The following C10orf143 variants were observed in gnomAD, a reference collection of about 807,000 sequenced individuals.
C10orf143 encodes chromosome 10 open reading frame 143.
intron 3 of C10orf143, among the ~76,000 whole-genome samples, chr10:130,075,644 T>A (rs1023504356): frequency 6.6e-6 from 1 of 152,212 alleles, no homozygotes; most frequent in African/African-American, 2.4e-5. Flanking sequence ...AAATCTCATC[T>A]GGAATTATAC....
intron 3 of C10orf143, among the ~76,000 whole-genome samples, chr10:130,053,874 G>A (rs1437887425): frequency 1.3e-5 from 2 of 152,192 alleles, no homozygotes; most frequent in Admixed American, 6.5e-5. Context: ...GTGGGGGAAG[G>A]CCCCTTAGGG....
chr10:130,039,519 G>A (rs1215246297), intron 3 of C10orf143, among the ~76,000 whole-genome samples: 3 of 152,156 alleles, frequency 2.0e-5, no homozygotes, highest in African/African-American at 7.2e-5. Flanking sequence ...TCGATGAGGT[G>A]GATGCTGCCT....
chr10:130,093,468 T>C (rs1211763921), intron 1 of C10orf143, among the ~76,000 whole-genome samples: 1 of 151,972 alleles, frequency 6.6e-6, no homozygotes, highest in Non-Finnish European at 1.5e-5. Flanking sequence ...GTGGGAAAGA[T>C]CAAAAATTGA....
rs1860920211 is a variant in C10orf143 at position 130,065,662 on chromosome 10, T to C, written c.298-1279A>G. ...ATCACATGTGTAGCAGGTATCCCTT[T>C]ACAAAAGGACATTTTGGAAACCAGT... is the stretch of plus-strand genomic sequence containing the variant. On this transcript the variant is annotated intron_variant, in intron 3 of 3. Transcript: ENST00000637128. The surrounding 1 kb of genome is among the most constrained non-coding windows in gnomAD (Gnocchi z 4.2). 6.6e-6 allele frequency: 1 copy of C among 152,222 alleles called. No homozygotes were observed. The highest frequency in any genetic ancestry group is 2.4e-5 in the African/African-American group (1 of 41,458). The allele number at this position is 152,222 out of a possible 1,614,324, so 9.4% of individuals were successfully genotyped here.
chr10:130,098,304 T>C lies in C10orf143; in HGVS notation c.69+12400A>G, dbSNP rs144269988. ...CACCACTGCACTCAGGCCTGGATGATAGAGGGAAGCTCTGTCTCAAAAAAC... is the reference window on the plus strand; with the variant it reads ...CACCACTGCACTCAGGCCTGGATGACAGAGGGAAGCTCTGTCTCAAAAAAC... On this transcript the variant is annotated intron_variant, in intron 1 of 3. Coordinates refer to ENST00000637128, the MANE Select transcript of C10orf143 (RefSeq NM_001355042.2). Among the ~76,000 whole-genome samples, 762 of 152,114 alleles carry C rather than the reference T, an allele frequency of 5.0e-3. 6 individuals carry two copies. The highest frequency in any genetic ancestry group is 0.018 in the African/African-American group (731 of 41,482).
intron 3 of C10orf143, among the ~76,000 whole-genome samples, chr10:130,047,353 A>G (rs961051993): frequency 1.3e-5 from 2 of 152,242 alleles, no homozygotes; most frequent in African/African-American, 2.4e-5. Flanking sequence ...AAATAAAGGC[A>G]GTCTGCTCCC....
At chr10:130,102,161 T>G (rs1165480652) in intron 1 of C10orf143, among the ~76,000 whole-genome samples, 1 of 152,196 alleles carries the variant, frequency 6.6e-6, no homozygotes, top group Non-Finnish European at 1.5e-5. Flanking sequence ...TCCCAGCTTA[T>G]GTTTATTGAG....
At chr10:130,084,073 G>T (rs1275929426) in intron 1 of C10orf143, among the ~76,000 whole-genome samples, 2 of 152,142 alleles carry the variant, frequency 1.3e-5, no homozygotes, top group Non-Finnish European at 2.9e-5. Flanking sequence ...CACTTTGGGA[G>T]GCCAAGGTGG....
intron 1 of C10orf143, among the ~76,000 whole-genome samples, chr10:130,094,015 TA>T (rs61617138): frequency 0.068 from 9,384 of 137,612 alleles, 872 homozygotes; most frequent in African/African-American, 0.22. Context: ...ATCTCACCAT[TA>T]AAAAAAAAAA....
chr10:130,037,040 G>T (rs1860552593), intron 3 of C10orf143, among the ~76,000 whole-genome samples: 1 of 152,180 alleles, frequency 6.6e-6, no homozygotes, highest in Non-Finnish European at 1.5e-5. Context: ...AGGTGCAGAT[G>T]CAGGGATGCA....
At chr10:130,051,528 T>C (rs78999309) in intron 3 of C10orf143, among the ~76,000 whole-genome samples, 1 of 38,756 alleles carries the variant, frequency 2.6e-5, no homozygotes, top group Non-Finnish European at 4.7e-5. Context: ...CTCCCTCTCC[T>C]ACCCCTGCCT....
chr10:130,077,190 T>C (rs1861132048), intron 3 of C10orf143, among the ~76,000 whole-genome samples: 1 of 151,824 alleles, frequency 6.6e-6, no homozygotes, highest in East Asian at 1.9e-4. Context: ...AAATGCAAAC[T>C]TGGAAAATGA....
In C10orf143 at chr10:130,056,670, C is replaced by T. The variant is rs1860798943; in HGVS notation, c.298-20700G>A. ...GCAGTGGCGCTCTCTTGGCTCACTG[C>T]AAGCTCCGCCTCCTGGGTTCATGCC... On this transcript the variant is annotated intron_variant and NMD_transcript_variant, in intron 3 of 5. Transcript: ENST00000643056. The surrounding 1 kb of genome is among the most constrained non-coding windows in gnomAD (Gnocchi z 4.6). 6.6e-6 allele frequency among the ~76,000 whole-genome samples: 1 copy of T among 151,916 alleles called. No individual in the cohort carries two copies. Among genetic ancestry groups the T allele is most frequent in the Non-Finnish European group, 1.5e-5 (1 of 67,996 alleles).
At position 130,064,030 on chromosome 10, in the gene C10orf143, T is replaced by G; in HGVS notation, c.*324A>C. On this transcript the variant is annotated 3_prime_UTR_variant, in exon 4 of 4. Coordinates refer to ENST00000637128, the MANE Select transcript of C10orf143 (RefSeq NM_001355042.2). ...CATAGGCCATGAGTGCCCAAGCTCA[T>G]AGGAAGTTTGATACAAAATTTTTTG... 1 of 235,920 alleles carries G rather than the reference T, an allele frequency of 4.2e-6. No individual in the cohort carries two copies. Among genetic ancestry groups the G allele is most frequent in the Non-Finnish European group, 8.1e-6 (1 of 123,044 alleles). 14.6% of individuals were successfully genotyped at this position (235,920 alleles called of 1,614,324 possible). A position where few individuals can be genotyped will look rare whatever the true frequency, so the allele number is the denominator to read the frequency against.
intron 1 of C10orf143, among the ~76,000 whole-genome samples, chr10:130,101,962 C>G (rs1359521730): frequency 6.7e-6 from 1 of 149,886 alleles, no homozygotes; most frequent in Non-Finnish European, 1.5e-5. Flanking sequence ...AAAAAAATTC[C>G]TTCAGGCAGA....
chr10:130,100,686 T>C (rs934707422), intron 1 of C10orf143, among the ~76,000 whole-genome samples: 2 of 152,206 alleles, frequency 1.3e-5, no homozygotes, highest in Admixed American at 1.3e-4. Context: ...TGCTATAATG[T>C]CTGGGATTAA....
At chr10:130,107,207 C>A in intron 1 of C10orf143, 2 of 1,364,648 alleles carry the variant, frequency 1.5e-6, no homozygotes, top group Non-Finnish European at 2.1e-6. Flanking sequence ...TGAATTATAT[C>A]AAGAAAATGA....
intron 3 of C10orf143, chr10:130,068,146 G>A (rs1181965431): frequency 1.3e-5 from 2 of 152,344 alleles, no homozygotes; most frequent in East Asian, 3.9e-4. Context: ...AAGTGGGAGA[G>A]CCCAGGTGCC....
intron 1 of C10orf143, among the ~76,000 whole-genome samples, chr10:130,101,990 G>A (rs906313482): frequency 6.6e-6 from 1 of 151,760 alleles, no homozygotes; most frequent in Non-Finnish European, 1.5e-5. Context: ...ATTGAGGCCA[G>A]GCATGGTGGC....
Sources: gnomAD v4.1 joint callset for allele counts (sites outside exome capture counted in the v4.1 genomes callset) on GRCh38, gnomAD v4.1.1 for gene constraint, Gnocchi (gnomAD v3.1) non-coding constraint, MANE v1.5 for transcripts, NCBI Gene and HGNC (gene_info 2026-07-23, HGNC 2026-07-21) for gene names.